PAQR5: variants seen among roughly 807,000 people sequenced by gnomAD.
The protein encoded by PAQR5 is progestin and adipoQ receptor family member 5, also known as membrane progestin receptor gamma.
PAQR5 carries 20 observed loss-of-function variants against 34.5 expected under a neutral mutation model. That is an observed-to-expected ratio of 0.58 (90% CI 0.41 to 0.84). The LOEUF is 0.84. Among genes scored for constraint, PAQR5 ranks in the 40% least tolerant of loss-of-function variants. PAQR5 has a pLI of 0.00. For synonymous variants in PAQR5, 131 were observed against 155.6 expected (o/e 0.84, Z 1.18); for missense variants, 378 against 412.7 (o/e 0.92, Z 0.73).
At chr15:69,320,226 G>A (rs1350497847) in intron 1 of PAQR5, among the ~76,000 whole-genome samples, 1 of 152,240 alleles carries the variant, frequency 6.6e-6, no homozygotes, top group Non-Finnish European at 1.5e-5. Flanking sequence ...ATCCCAGGCT[G>A]GCGTTTGGCA....
At chr15:69,372,825 G>T (rs1397938112) in intron 3 of PAQR5, among the ~76,000 whole-genome samples, 2 of 152,060 alleles carry the variant, frequency 1.3e-5, no homozygotes, top group African/African-American at 2.4e-5. Context: ...AGTACTTCTG[G>T]ATTTTCGGTG....
intron 4 of PAQR5, among the ~76,000 whole-genome samples, chr15:69,383,729 C>T (rs376814726): frequency 4.4e-5 from 4 of 90,310 alleles, no homozygotes; most frequent in Admixed American, 2.3e-4. Flanking sequence ...GAGTGGGCCT[C>T]TGTGCTCATG....
intron 3 of PAQR5, among the ~76,000 whole-genome samples, chr15:69,362,834 G>A (rs372521778): frequency 3.9e-5 from 6 of 152,012 alleles, no homozygotes; most frequent in African/African-American, 1.4e-4. Flanking sequence ...CGGCTCCCTC[G>A]CCTGCTGTTC....
chr15:69,403,351 C>T (rs1178731968), intron 8 of PAQR5, among the ~76,000 whole-genome samples: 1 of 152,052 alleles, frequency 6.6e-6, no homozygotes, highest in Non-Finnish European at 1.5e-5. Flanking sequence ...ATTTTCATCC[C>T]CTCCATCAGA....
intron 3 of PAQR5, among the ~76,000 whole-genome samples, chr15:69,367,439 C>T (rs542642370): frequency 9.9e-5 from 15 of 152,238 alleles, no homozygotes; most frequent in African/African-American, 3.1e-4. Context: ...CCATATAGCT[C>T]GGTGACTTAA....
chr15:69,397,676 G>C, intron 7 of PAQR5, 112 bp downstream of exon 7: 1 of 772,354 alleles, frequency 1.3e-6, no homozygotes, highest in Non-Finnish European at 2.3e-6. Flanking sequence ...GAACAAAACA[G>C]GAGTCGAGAC....
intron 2 of PAQR5, among the ~76,000 whole-genome samples, chr15:69,343,078 A>G (rs2054682508): frequency 6.6e-6 from 1 of 152,192 alleles, no homozygotes; most frequent in African/African-American, 2.4e-5. Context: ...CAAAATCCAG[A>G]CATCCGGTGG....
chr15:69,318,307 G>A (rs540445828), intron 1 of PAQR5, among the ~76,000 whole-genome samples: 4 of 152,364 alleles, frequency 2.6e-5, no homozygotes, highest in Admixed American at 6.5e-5. Flanking sequence ...CAGCTTGTTC[G>A]AAGCACAAGG....
intron 3 of PAQR5, among the ~76,000 whole-genome samples, chr15:69,371,089 G>A (rs1009731145): frequency 6.6e-6 from 1 of 151,880 alleles, no homozygotes; most frequent in Non-Finnish European, 1.5e-5. Context: ...CATATAATTT[G>A]TGGTCTATTG....
chr15:69,326,047 T>C (rs2054243751), intron 1 of PAQR5, among the ~76,000 whole-genome samples: 1 of 152,216 alleles, frequency 6.6e-6, no homozygotes, highest in Admixed American at 6.5e-5. Context: ...GTCACATTTT[T>C]TTTTAACTGC....
rs1437228854 is a variant in PAQR5, at chr15:69,385,867, A to C, written c.385+985A>C. On this transcript the variant is annotated intron_variant, in intron 5 of 8. Coordinates refer to ENST00000395407, the MANE Select transcript of PAQR5 (RefSeq NM_017705.4). The surrounding 1 kb of genome is among the most constrained non-coding windows in gnomAD (Gnocchi z 4.7). ...AATACACTTACATGCACACACACAC[A>C]CCACATGCCACATGTACTCACACAT... is the stretch of plus-strand genomic sequence containing the variant. Among the ~76,000 whole-genome samples, 3 of 151,454 alleles carry C rather than the reference A, an allele frequency of 2.0e-5. No individual in the cohort carries two copies. Among genetic ancestry groups the C allele is most frequent in the Non-Finnish European group, 4.4e-5 (3 of 67,862 alleles).
intron 1 of PAQR5, among the ~76,000 whole-genome samples, chr15:69,302,485 A>T (rs4776438): frequency 0.026 from 3,997 of 152,210 alleles, 147 homozygotes; most frequent in Admixed American, 0.084. Flanking sequence ...GAGCCCCTGT[A>T]GTTGGAGGTG....
At chr15:69,349,570 T>C (rs1369407119) in intron 2 of PAQR5, among the ~76,000 whole-genome samples, 1 of 152,144 alleles carries the variant, frequency 6.6e-6, no homozygotes, top group Non-Finnish European at 1.5e-5. Context: ...GTTGGTTGGC[T>C]GAAACATGAA....
intron 3 of PAQR5, among the ~76,000 whole-genome samples, chr15:69,363,606 G>A (rs546403216): frequency 2.5e-3 from 334 of 133,828 alleles, no homozygotes; most frequent in African/African-American, 8.3e-3. Context: ...GAGTGCAGTG[G>A]CACTATCATG....
intron 1 of PAQR5, among the ~76,000 whole-genome samples, chr15:69,307,188 G>A (rs1333596927): frequency 4.0e-5 from 6 of 151,300 alleles, no homozygotes; most frequent in African/African-American, 9.7e-5. Flanking sequence ...TCCACCTCCC[G>A]TTATATACCA....
chr15:69,366,552 C>T (rs2055407918), intron 3 of PAQR5, among the ~76,000 whole-genome samples: 2 of 152,132 alleles, frequency 1.3e-5, no homozygotes, highest in Middle Eastern at 3.2e-3. Context: ...CTTAATTGAT[C>T]TTGGTCTGAG....
At chr15:69,358,633 A>ATTTTTTTTTTGTTT (rs2055144543) in intron 2 of PAQR5, among the ~76,000 whole-genome samples, 1 of 84,466 alleles carries the variant, frequency 1.2e-5, no homozygotes. Flanking sequence ...GCTCTGTGGC[A>ATTTTTTTTTTGTTT]TTTTTTTTTT....
intron 4 of PAQR5, among the ~76,000 whole-genome samples, chr15:69,380,604 A>G (rs1553502): frequency 1 from 151,826 of 152,350 alleles, 75,652 homozygotes; most frequent in Middle Eastern, 1. Flanking sequence ...GCAGAAATGG[A>G]AGTGGCCAGG....
At chr15:69,360,496 A>G (rs2140843880) in intron 3 of PAQR5, among the ~76,000 whole-genome samples, 1 of 152,322 alleles carries the variant, frequency 6.6e-6, no homozygotes, top group East Asian at 1.9e-4. Context: ...GGGCAAAGGC[A>G]CACCAGGTCA....
Sources: gnomAD v4.1 joint callset for allele counts (sites outside exome capture counted in the v4.1 genomes callset) on GRCh38, gnomAD v4.1.1 for gene constraint, Gnocchi (gnomAD v3.1) non-coding constraint, MANE v1.5 for transcripts, NCBI Gene and HGNC (gene_info 2026-07-23, HGNC 2026-07-21) for gene names.